CDH3: variants seen among roughly 807,000 people sequenced by gnomAD.
CDH3 encodes the protein cadherin-3.
Under a neutral mutation model 82.0 loss-of-function variants are expected in CDH3, and 54 were observed. The ratio of observed to expected loss-of-function variants is 0.66; its 90% CI spans 0.53 to 0.83. The LOEUF is 0.83. Ranked by LOEUF, CDH3 falls within the 40% of genes least tolerant of loss-of-function variation. The probability of loss-of-function intolerance (pLI) is 0.00; values close to 1 mark genes in which losing one functional copy is unlikely to be tolerated. For missense variants in CDH3, 1,054 were observed against 1,084.6 expected (o/e 0.97, Z 0.40); for synonymous variants, 446 against 437.9 (o/e 1.02, Z -0.23).
Position 68,678,362 on chromosome 16 carries a change from T to TG in CDH3, c.390+86dup, listed in dbSNP as rs1265403813. The TG allele has an allele frequency of 5.5e-5, 87 of 1,591,052 alleles. No individual in the cohort carries two copies. In the East Asian group the frequency reaches 1.1e-3, roughly 20 times the overall value. On this transcript the variant is annotated intron_variant, in intron 4 of 15. Transcript: ENST00000264012. Reference sequence around the variant, plus strand: ...CTGCATGAGATTTCTTGCTACTGAATGTGGGGGCTGAGACAGAAAAACCTC... The same window carrying TG: ...CTGCATGAGATTTCTTGCTACTGAATGGTGGGGGCTGAGACAGAAAAACCTC...
chr16:68,674,203 CT>C (rs976948825), intron 2 of CDH3, among the ~76,000 whole-genome samples: 1 of 152,128 alleles, frequency 6.6e-6, no homozygotes, highest in Middle Eastern at 3.4e-3. Context: ...TTGTTGTTTT[CT>C]TTTTTTTCTT....
chr16:68,704,019 G>T (rs1961928828), downstream of CDH3, among the ~76,000 whole-genome samples: 1 of 151,970 alleles, frequency 6.6e-6, no homozygotes, highest in African/African-American at 2.4e-5. Context: ...GGGCGCGGTG[G>T]CTCACGCTTG....
chr16:68,703,313 C>T (rs748781768), downstream of CDH3, among the ~76,000 whole-genome samples: 7 of 152,162 alleles, frequency 4.6e-5, no homozygotes, highest in Non-Finnish European at 5.9e-5. Flanking sequence ...CTCACTCACT[C>T]ACTTCCGGGC....
chr16:68,684,955 C>T (rs968238024), intron 10 of CDH3, 131 bp downstream of exon 10: 1 of 1,268,560 alleles, frequency 7.9e-7, no homozygotes, highest in Non-Finnish European at 1.1e-6. Context: ...AGGTTCTCTT[C>T]TTCCTACCCT....
chr16:68,662,586 C>T (rs915625139), intron 2 of CDH3, among the ~76,000 whole-genome samples: 2 of 132,482 alleles, frequency 1.5e-5, no homozygotes, highest in South Asian at 5.2e-4. Context: ...CTTGCTCTGT[C>T]GCCCAGGCTA....
rs375364361 is a variant in CDH3, at chr16:68,685,392, G to C, written c.1570+42G>C. ...AGCCCTCCCACAAGGGCCACTTTTGGTTCTCAGGTCACATGACACAGCACA... is the reference window on the plus strand; with the variant it reads ...AGCCCTCCCACAAGGGCCACTTTTGCTTCTCAGGTCACATGACACAGCACA... On this transcript the variant is annotated intron_variant, in intron 11 of 15. Coordinates refer to ENST00000264012, the MANE Select transcript of CDH3 (RefSeq NM_001793.6). 5.6e-6 allele frequency: 9 copies of C among 1,607,102 alleles called. No individual in the cohort carries two copies. The African/African-American group carries it at 8.0e-5, about 14-fold the overall frequency.
chr16:68,727,939 T>C (rs777372658), downstream of CDH3, among the ~76,000 whole-genome samples: 7 of 151,898 alleles, frequency 4.6e-5, no homozygotes, highest in Non-Finnish European at 7.4e-5. Flanking sequence ...CCCCAAAATC[T>C]GTACAATGTA....
At chr16:68,716,719 G>A (rs1008951752) in intron 1 of CDH3, among the ~76,000 whole-genome samples, 3 of 151,376 alleles carry the variant, frequency 2.0e-5, no homozygotes, top group Non-Finnish European at 4.4e-5. Flanking sequence ...AAGACTTACT[G>A]TTTTGGTTTC....
chr16:68,714,993 C>T (rs970051636), intron 1 of CDH3, among the ~76,000 whole-genome samples: 4 of 151,950 alleles, frequency 2.6e-5, no homozygotes, highest in African/African-American at 9.7e-5. Context: ...GGCGATAGAA[C>T]AAGACCCTGT....
At chr16:68,703,117 C>T (rs926419043), downstream of CDH3, among the ~76,000 whole-genome samples, 14 of 152,304 alleles carry the variant, frequency 9.2e-5, no homozygotes, top group Admixed American at 6.5e-4. Context: ...CCTTTTCCCT[C>T]GTCACTGACC....
intron 2 of CDH3, among the ~76,000 whole-genome samples, chr16:68,654,512 G>A (rs1960355249): frequency 2.3e-5 from 3 of 131,404 alleles, no homozygotes; most frequent in African/African-American, 2.8e-5. Context: ...AGACCAGCCT[G>A]GCCAACATGG....
At chr16:68,728,713 A>G (rs1962252905), downstream of CDH3, among the ~76,000 whole-genome samples, 1 of 152,168 alleles carries the variant, frequency 6.6e-6, no homozygotes, top group Admixed American at 6.6e-5. Context: ...GAGCTAATGG[A>G]TGGGAACAGC....
chr16:68,726,736 G>A lies in CDH3; in HGVS notation c.*46-417G>A, dbSNP rs144248067. ...TGGGACTACAGGCGCCCACCACCACGCCTGGCTAATTTTTTGGTATTTTTA... is the reference window on the plus strand; with the variant it reads ...TGGGACTACAGGCGCCCACCACCACACCTGGCTAATTTTTTGGTATTTTTA... On this transcript the variant is annotated intron_variant, in intron 2 of 2. Coordinates refer to the CDH3 transcript ENST00000569080. Among the ~76,000 whole-genome samples the A allele has an allele frequency of 8.1e-4, 123 of 152,010 alleles. 1 individual carries two copies. Among genetic ancestry groups the A allele is most frequent in the African/African-American group, 2.7e-3 (110 of 41,490 alleles).
chr16:68,663,941 T>C (rs995958240), intron 2 of CDH3, among the ~76,000 whole-genome samples: 12 of 151,832 alleles, frequency 7.9e-5, no homozygotes, highest in Middle Eastern at 3.4e-3. Flanking sequence ...GCTTTAGGTA[T>C]ATCTCCTAAA....
intron 1 of CDH3, among the ~76,000 whole-genome samples, chr16:68,717,776 G>GA (rs11306289): frequency 1.5e-3 from 196 of 127,418 alleles, no homozygotes; most frequent in South Asian, 4.6e-3. Flanking sequence ...ATCCTCTAAA[G>GA]AAAAAAAAAA....
chr16:68,694,159 C>T (rs1961645210), intron 13 of CDH3, among the ~76,000 whole-genome samples: 6 of 151,284 alleles, frequency 4.0e-5, no homozygotes, highest in Admixed American at 4.0e-4. Flanking sequence ...GACTCTGTTT[C>T]AAAAATAAAT....
intron 2 of CDH3, among the ~76,000 whole-genome samples, chr16:68,726,244 T>C (rs1024153630): frequency 6.6e-6 from 1 of 152,032 alleles, no homozygotes; most frequent in Non-Finnish European, 1.5e-5. Flanking sequence ...TTGTGTCTGC[T>C]CTATAGGCTG....
chr16:68,693,925 T>G (rs1051668079), intron 13 of CDH3, among the ~76,000 whole-genome samples: 2 of 152,198 alleles, frequency 1.3e-5, no homozygotes, highest in Admixed American at 1.3e-4. Context: ...CCTGCCAGCC[T>G]TTCAGACCAC....
chr16:68,651,464 G>A lies in CDH3; in HGVS notation c.160+5714G>A, dbSNP rs138140021. 1,153 of 530,884 alleles carry A rather than the reference G, an allele frequency of 2.2e-3. 4 individuals carry two copies. The highest frequency in any genetic ancestry group is 2.3e-3 in the Non-Finnish European group (616 of 263,618). 32.9% of individuals were successfully genotyped at this position (530,884 alleles called of 1,614,324 possible). On this transcript the variant is annotated intron_variant, in intron 2 of 15. Transcript: ENST00000264012. ...TGGTGCCCATCTGCAGCCCGATGACGCACTGGCCGGCCTTCATGGTGTTCT... is the reference window on the plus strand; with the variant it reads ...TGGTGCCCATCTGCAGCCCGATGACACACTGGCCGGCCTTCATGGTGTTCT...
Sources: gnomAD v4.1 joint callset for allele counts (sites outside exome capture counted in the v4.1 genomes callset) on GRCh38, gnomAD v4.1.1 for gene constraint, MANE v1.5 for transcripts, NCBI Gene and HGNC (gene_info 2026-07-23, HGNC 2026-07-21) for gene names.